The following RIC8B variants were observed in gnomAD, a reference collection of about 807,000 sequenced individuals.
The protein encoded by RIC8B is RIC8 guanine nucleotide exchange factor B.
In RIC8B, 16 loss-of-function variants were observed where a neutral mutation model predicts 57.5. That is an observed-to-expected ratio of 0.28 (90% CI 0.19 to 0.42). RIC8B has a LOEUF of 0.42. RIC8B is among the 10% of genes least tolerant of loss of function. The pLI, the probability that RIC8B is intolerant of heterozygous loss-of-function variation, is 1.00. For synonymous variants in RIC8B, 216 were observed against 250.8 expected, an observed-to-expected ratio of 0.86 and a Z score of 1.31; for missense variants, 481 against 677.0, an observed-to-expected ratio of 0.71 and a Z score of 3.21.
rs190287505 is a variant in RIC8B at position 106,830,467 on chromosome 12, G to A, written c.836+4647G>A. Among the ~76,000 whole-genome samples the A allele has an allele frequency of 1.9e-3, 289 of 152,286 alleles. 1 individual carries two copies. The highest frequency in any genetic ancestry group is 5.9e-3 in the African/African-American group (245 of 41,560). ...GATAAGACAGATTTGTAAGTAAATA[G>A]GTAGAGTTGTTTTGATGAGTGCGGT... On this transcript the variant is annotated intron_variant, in intron 4 of 9. Transcript: ENST00000392837.
intron 2 of RIC8B, among the ~76,000 whole-genome samples, chr12:106,805,807 A>G (rs1052158129): frequency 2.0e-5 from 3 of 152,158 alleles, no homozygotes; most frequent in Non-Finnish European, 2.9e-5. Context: ...AAAAGAAAGA[A>G]CAGCCTTTCT....
chr12:106,794,520 A>G (rs1316422572), intron 2 of RIC8B, among the ~76,000 whole-genome samples: 1 of 152,234 alleles, frequency 6.6e-6, no homozygotes, highest in African/African-American at 2.4e-5. Context: ...AGACGAGGAG[A>G]AAATCTTGAA....
intron 2 of RIC8B, among the ~76,000 whole-genome samples, chr12:106,802,912 T>TA (rs1433986604): frequency 6.6e-6 from 1 of 151,586 alleles, no homozygotes; most frequent in South Asian, 2.1e-4. Flanking sequence ...AATATCAGTT[T>TA]AAAAAAAATG....
intron 2 of RIC8B, chr12:106,798,131 C>T (rs1420127258): frequency 1.5e-6 from 1 of 646,556 alleles, no homozygotes; most frequent in Non-Finnish European, 2.9e-6. Flanking sequence ...CCTTATAACA[C>T]TTAGGCATAT....
At chr12:106,862,083 A>G (rs528420644) in intron 8 of RIC8B, among the ~76,000 whole-genome samples, 1 of 152,214 alleles carries the variant, frequency 6.6e-6, no homozygotes, top group South Asian at 2.1e-4. Flanking sequence ...ATCAACAGCC[A>G]TGATTAGTAT....
chr12:106,872,608 C>T (rs1472145930), intron 9 of RIC8B, among the ~76,000 whole-genome samples: 5 of 143,166 alleles, frequency 3.5e-5, no homozygotes, highest in East Asian at 2.1e-4. Flanking sequence ...GCGGAGGTTG[C>T]GGTGAACCAA....
chr12:106,884,273 A>G (rs1951081098), intron 9 of RIC8B, among the ~76,000 whole-genome samples: 1 of 152,248 alleles, frequency 6.6e-6, no homozygotes, highest in South Asian at 2.1e-4. Context: ...CAAAGGCAGC[A>G]GCTGTACCCA....
At chr12:106,807,794 A>G (rs908090572) in intron 2 of RIC8B, among the ~76,000 whole-genome samples, 2 of 152,156 alleles carry the variant, frequency 1.3e-5, no homozygotes, top group African/African-American at 4.8e-5. Context: ...ATTCAAAAAT[A>G]TTTAGGGGAG....
At chr12:106,814,600 T>A in intron 2 of RIC8B, 96 bp from the exon 3 acceptor site, 2 of 1,277,818 alleles carry the variant, frequency 1.6e-6, no homozygotes, top group Admixed American at 4.8e-5. Context: ...TCTCTCTGGA[T>A]TTTTAACTGT....
intron 6 of RIC8B, among the ~76,000 whole-genome samples, chr12:106,849,785 A>G (rs1949383006): frequency 6.6e-6 from 1 of 152,196 alleles, no homozygotes; most frequent in Non-Finnish European, 1.5e-5. Flanking sequence ...CATAGATATA[A>G]TTATCTTAAA....
intron 3 of RIC8B, among the ~76,000 whole-genome samples, chr12:106,822,077 C>CAAAAAAAAAAAAAAAAAA (rs67378158): frequency 7.4e-3 from 280 of 37,986 alleles, no homozygotes; most frequent in Non-Finnish European, 9.4e-3. Flanking sequence ...GACTCCATCT[C>CAAAAAAAAAAAAAAAAAA]AAAAAAAAAA....
Position 106,825,732 on chromosome 12 carries a change from T to G in RIC8B, c.748T>G (p.Ser250Ala), listed in dbSNP as rs2046067048. 1 of 1,612,662 alleles carries G rather than the reference T, an allele frequency of 6.2e-7. No homozygotes were observed. Among genetic ancestry groups the G allele is most frequent in the African/African-American group, 1.3e-5 (1 of 75,030 alleles). The change falls in exon 4 of 10, where the codon TCT (serine) becomes GCT (alanine). Residue 250 changes from serine (S) to alanine (A), a missense_variant. Ser to Ala is a moderately conservative substitution (Grantham distance 99). This residue lies in a region of RIC8B where 421 missense variants were observed against 560.9 expected (regional missense o/e 0.75). Coordinates refer to ENST00000392837, the MANE Select transcript of RIC8B (RefSeq NM_001330145.2). ...TCTTTTTTATTTGCCATAGAGTGAT[T>G]CTCATCAGTTCCGTGTAATGGCAGC... ...DSWKVHKESD[S>A]HQFRVMAAVL...
intron 6 of RIC8B, 106 bp from the exon 7 acceptor site, chr12:106,851,339 TCCTAC>T: frequency 3.3e-6 from 1 of 302,506 alleles, no homozygotes; most frequent in South Asian, 8.1e-5. Context: ...TTTTTTTTGC[TCCTAC>T]AATACAAACC....
At chr12:106,846,968 A>G (rs1426504306) in intron 6 of RIC8B, among the ~76,000 whole-genome samples, 2 of 152,186 alleles carry the variant, frequency 1.3e-5, no homozygotes, top group Non-Finnish European at 2.9e-5. Context: ...GCAGAACTTA[A>G]AGTACAGATG....
intron 8 of RIC8B, among the ~76,000 whole-genome samples, chr12:106,863,871 G>C (rs1011744794): frequency 2.0e-5 from 3 of 152,078 alleles, no homozygotes; most frequent in Non-Finnish European, 4.4e-5. Context: ...CCTGACATGG[G>C]AAACATTTAA....
chr12:106,823,874 C>T (rs1265442664), intron 3 of RIC8B, among the ~76,000 whole-genome samples: 10 of 151,910 alleles, frequency 6.6e-5, no homozygotes, highest in African/African-American at 1.7e-4. Context: ...TTAGTAGAGA[C>T]GGGGTTTCAC....
intron 4 of RIC8B, 33 bp downstream of exon 4, chr12:106,825,853 G>A: frequency 7.1e-7 from 1 of 1,406,460 alleles, no homozygotes; most frequent in Non-Finnish European, 1.0e-6. Context: ...TCCCAATGAA[G>A]GACATCATCA....
At chr12:106,821,894 C>G (rs1418274133) in intron 3 of RIC8B, among the ~76,000 whole-genome samples, 1 of 151,452 alleles carries the variant, frequency 6.6e-6, no homozygotes, top group African/African-American at 2.4e-5. Flanking sequence ...CTGGCTAACA[C>G]AGTGAAACCC....
intron 9 of RIC8B, among the ~76,000 whole-genome samples, chr12:106,876,089 GATCT>G (rs1163640303): frequency 2.0e-5 from 3 of 152,176 alleles, no homozygotes; most frequent in South Asian, 4.1e-4. Flanking sequence ...AGCATTGTAA[GATCT>G]ATTATAGATA....
Sources: allele counts gnomAD v4.1 joint callset (sites outside exome capture counted in the v4.1 genomes callset), GRCh38; gene constraint gnomAD v4.1.1; regional missense constraint gnomAD v4.1.1; transcripts MANE v1.5; gene names NCBI Gene and HGNC (gene_info 2026-07-23, HGNC 2026-07-21).